Variants in ADGRF1 observed in about 807,000 individuals in gnomAD.
ADGRF1 encodes G protein-coupled receptor 110.
ADGRF1 carries 85 observed loss-of-function variants against 87.2 expected under a neutral mutation model. The observed-to-expected ratio is 0.97, with a 90% confidence interval of 0.82 to 1.17. The LOEUF (loss-of-function observed/expected upper bound fraction) is 1.17. Among genes scored for constraint, ADGRF1 ranks in the 50% most tolerant of loss-of-function variants. ADGRF1 has a pLI of 0.00. For missense variants in ADGRF1, 1,169 were observed against 1,077.2 expected (o/e 1.09, Z -1.19); for synonymous variants, 430 against 408.8 (o/e 1.05, Z -0.63).
chr6:47,010,342 G>A, intron 10 of ADGRF1, 24 bp from the exon 11 acceptor site: 2 of 1,562,122 alleles, frequency 1.3e-6, no homozygotes, highest in Non-Finnish European at 1.7e-6. Flanking sequence ...ATGAGAGTCA[G>A]TTTGTGTTTT....
chr6:47,018,795 CA>C (rs1404908679), intron 7 of ADGRF1: 1 of 284,114 alleles, frequency 3.5e-6, no homozygotes, highest in African/African-American at 2.2e-5. Context: ...ATCATATATG[CA>C]AAAAGTAAAA....
Position 47,001,888 on chromosome 6 carries a change from A to C in ADGRF1, c.2593-321T>G, listed in dbSNP as rs189241675. ...TACATTTCTTTGGATCACATTTGTT[A>C]CTGGAAGAGAAACCCATGGAGGAAA... On this transcript the variant is annotated intron_variant, in intron 13 of 14. Transcript: ENST00000371253. The C allele has an allele frequency of 4.0e-4, 90 of 223,510 alleles. 1 individual carries two copies. The Middle Eastern group carries it at 5.1e-3, about 13-fold the overall frequency. 13.8% of individuals were successfully genotyped at this position (223,510 alleles called of 1,614,324 possible).
rs1779510622 is a variant in ADGRF1, at chr6:47,005,858, T to C, written c.2551A>G (p.Asn851Asp). Residue 851 changes from asparagine (N) to aspartate (D), a missense_variant, in exon 13 of 15, where the codon AAC (asparagine) becomes GAC (aspartate). Physicochemically the swap from Asn to Asp is conservative, Grantham distance 23. Transcript: ENST00000371253. ...LDSKLRQLLF[N>D]KLSALSSWKQ... Reference sequence around the variant, plus strand: ...CAAGAACTTAAGGCAGACAACTTGTTGAACAGAAGTTGTCGCAGCTATAAG... The same window carrying C: ...CAAGAACTTAAGGCAGACAACTTGTCGAACAGAAGTTGTCGCAGCTATAAG... 6 of 1,611,986 alleles carry C rather than the reference T, an allele frequency of 3.7e-6. No homozygotes were observed. In the East Asian group the frequency reaches 1.3e-4, roughly 36 times the overall value.
chr6:47,007,719 AC>A (rs1779573044), intron 11 of ADGRF1, among the ~76,000 whole-genome samples: 2 of 152,236 alleles, frequency 1.3e-5, no homozygotes, highest in South Asian at 4.1e-4. Flanking sequence ...CTATATCAGC[AC>A]CCTTTCCTTC....
At chr6:47,036,831 A>G (rs1252285713) in intron 1 of ADGRF1, among the ~76,000 whole-genome samples, 2 of 152,210 alleles carry the variant, frequency 1.3e-5, no homozygotes, top group Non-Finnish European at 1.5e-5. Flanking sequence ...TCCTGAAAAT[A>G]TCACATCAGT....
At chr6:47,007,897 C>T (rs1192837550) in intron 11 of ADGRF1, among the ~76,000 whole-genome samples, 1 of 152,218 alleles carries the variant, frequency 6.6e-6, no homozygotes, top group Non-Finnish European at 1.5e-5. Context: ...TAGGGGCATG[C>T]TCTATGATTG....
At chr6:47,011,440 C>G (rs771406865) in intron 10 of ADGRF1, among the ~76,000 whole-genome samples, 1 of 152,122 alleles carries the variant, frequency 6.6e-6, no homozygotes, top group African/African-American at 2.4e-5. Context: ...ATTGAGCACA[C>G]GCTATATATC....
At chr6:47,007,219 G>T (rs776969166) in intron 12 of ADGRF1, 34 bp downstream of exon 12, 2 of 1,427,592 alleles carry the variant, frequency 1.4e-6, no homozygotes, top group Admixed American at 3.6e-5. Context: ...AGATGTCTAG[G>T]CTAGGGGTTA....
At chr6:47,033,447 T>C (rs188080398) in intron 1 of ADGRF1, among the ~76,000 whole-genome samples, 1 of 152,382 alleles carries the variant, frequency 6.6e-6, no homozygotes, top group East Asian at 1.9e-4. Flanking sequence ...CTCACACCTA[T>C]ACTTTCCAGC....
chr6:47,027,725 C>T lies in ADGRF1; in HGVS notation c.106G>A (p.Val36Met). The part of the protein sequence containing the change: ...DGIKTKKELI[V>M]NKKKHLGPVE... ...TCACCTAGATGTTTTTTCTTATTCA[C>T]AATGAGTTCTTTTTTTGTTTTGATG... is the stretch of plus-strand genomic sequence containing the variant. The change falls in exon 3 of 15, where the codon GTG becomes ATG. Residue 36 changes from valine to methionine, a missense_variant. Physicochemically the swap from Val to Met is conservative, Grantham distance 21. Transcript: ENST00000371253. 1.2e-6 allele frequency: 2 copies of T among 1,604,238 alleles called. No individual in the cohort carries two copies. The highest frequency in any genetic ancestry group is 1.7e-6 in the Non-Finnish European group (2 of 1,171,414).
chr6:47,020,003 A>G, intron 7 of ADGRF1: 1 of 989,056 alleles, frequency 1.0e-6, no homozygotes, highest in Non-Finnish European at 1.2e-6. Context: ...CTGGCTCCGA[A>G]TTATGAGGCA....
chr6:47,031,791 GTCA>G (rs78044703), intron 1 of ADGRF1, among the ~76,000 whole-genome samples: 1,691 of 152,198 alleles, frequency 0.011, 19 homozygotes, highest in Non-Finnish European at 0.018. Flanking sequence ...CAGTGGTGTA[GTCA>G]TGGCTCACTG....
At chr6:47,001,603 T>C (rs1018068948) in intron 13 of ADGRF1, 36 bp from the exon 14 acceptor site, 4 of 1,534,362 alleles carry the variant, frequency 2.6e-6, no homozygotes, top group Non-Finnish European at 3.6e-6. Flanking sequence ...TGGACATTAA[T>C]AGCATTCTTT....
chr6:47,007,205 C>A (rs1255249506), intron 12 of ADGRF1, 48 bp downstream of exon 12: 1 of 1,154,336 alleles, frequency 8.7e-7, no homozygotes, highest in African/African-American at 1.6e-5. Context: ...GGGGAGGGGG[C>A]CTAAGATGTC....
Position 47,011,929 on chromosome 6 carries a change from C to T in ADGRF1, c.1116+78G>A, listed in dbSNP as rs1020236827. ...GGCTTTCTGTCTTTTCCAATAGTTC[C>T]CCATATTTAAGGCTTTGTCATTCCT... is the stretch of plus-strand genomic sequence containing the variant. On this transcript the variant is annotated intron_variant, in intron 10 of 14. Coordinates refer to ENST00000371253, the MANE Select transcript of ADGRF1 (RefSeq NM_153840.4). 6.1e-6 allele frequency: 8 copies of T among 1,318,988 alleles called. No homozygotes were observed. In the African/African-American group the frequency reaches 1.2e-4, roughly 19 times the overall value. The allele number at this position is 1,318,988 out of a possible 1,614,324, so 81.7% of individuals were successfully genotyped here. A position where few individuals can be genotyped will look rare whatever the true frequency, so the allele number is the denominator to read the frequency against.
chr6:47,037,247 G>A (rs77130099), intron 1 of ADGRF1, among the ~76,000 whole-genome samples: 1,705 of 152,038 alleles, frequency 0.011, 41 homozygotes, highest in African/African-American at 0.038. Flanking sequence ...TTTTTCAGGG[G>A]TTTACTGACC....
chr6:47,040,427 A>T (rs968877909), intron 1 of ADGRF1, among the ~76,000 whole-genome samples: 5 of 149,464 alleles, frequency 3.3e-5, no homozygotes, highest in Admixed American at 2.0e-4. Flanking sequence ...AGCCGAGATC[A>T]CGCCACTGCA....
intron 4 of ADGRF1, among the ~76,000 whole-genome samples, chr6:47,025,183 G>T (rs1780190775): frequency 1.3e-5 from 2 of 152,074 alleles, no homozygotes; most frequent in South Asian, 4.2e-4. Flanking sequence ...CCAGGGCAAA[G>T]TCACCAGACA....
intron 14 of ADGRF1, 49 bp downstream of exon 14, chr6:47,001,452 A>C (rs1307741426): frequency 6.9e-7 from 1 of 1,459,508 alleles, no homozygotes; most frequent in African/African-American, 1.4e-5. Flanking sequence ...TGATATACTC[A>C]TATACTCTTT....
Sources: gnomAD v4.1 joint callset for allele counts (sites outside exome capture counted in the v4.1 genomes callset) on GRCh38, gnomAD v4.1.1 for gene constraint, MANE v1.5 for transcripts, NCBI Gene and HGNC (gene_info 2026-07-23, HGNC 2026-07-21) for gene names.